Variants in SLC4A7 observed in about 807,000 individuals in gnomAD.
SLC4A7 encodes the protein solute carrier family 4 member 7, also known as sodium bicarbonate cotransporter 3.
Under a neutral mutation model 137.6 loss-of-function variants are expected in SLC4A7, and 51 were observed. The observed-to-expected ratio is 0.37, with a 90% CI of 0.30 to 0.47. The LOEUF (loss-of-function observed/expected upper bound fraction) is 0.47. Among genes scored for constraint, SLC4A7 ranks in the 20% least tolerant of loss-of-function variants. The probability of loss-of-function intolerance (pLI) is 1.00; values close to 1 mark genes in which losing one functional copy is unlikely to be tolerated. For synonymous variants in SLC4A7, 542 were observed against 518.6 expected (o/e 1.05, Z -0.61); for missense variants, 1,247 against 1,525.4 (o/e 0.82, Z 3.04).
At chr3:27,417,575 G>A (rs532760534) in intron 11 of SLC4A7, among the ~76,000 whole-genome samples, 1 of 152,212 alleles carries the variant, frequency 6.6e-6, no homozygotes, top group African/African-American at 2.4e-5. Flanking sequence ...ACAACAAAGT[G>A]AGACAGCATA....
chr3:27,394,712 A>C lies in SLC4A7; in HGVS notation c.2923T>G (p.Ser975Ala). ...ACAAACCATGGAAGTCCCATGACAG[A>C]GCAAACTCCCAACATAACGCCAACC... is the stretch of plus-strand genomic sequence containing the variant. ...LMVGVMLGVC[S>A]VMGLPWFVAA... Residue 975 changes from serine to alanine, a missense_variant, in exon 20 of 26, where the codon TCT becomes GCT. Physicochemically the swap from Ser to Ala is moderately conservative, Grantham distance 99. Transcript: ENST00000454389. 1 of 1,614,214 alleles carries C rather than the reference A, an allele frequency of 6.2e-7. No homozygotes were observed. Among genetic ancestry groups the C allele is most frequent in the Non-Finnish European group, 8.5e-7 (1 of 1,180,028 alleles).
chr3:27,450,030 C>T (rs974725814), intron 2 of SLC4A7, among the ~76,000 whole-genome samples: 1 of 152,132 alleles, frequency 6.6e-6, no homozygotes, highest in African/African-American at 2.4e-5. Context: ...TGCCATTTTT[C>T]GGACAGGCAC....
At position 27,394,607 on chromosome 3, in the gene SLC4A7, T is replaced by C. The variant is rs1370031614; in HGVS notation, c.3028A>G (p.Lys1010Glu). Reference protein sequence around the residue: ...SECSAPGEQPKFLGIREQRVT... With the variant: ...SECSAPGEQPEFLGIREQRVT... ...CGCTGTTCACGAATTCCCAAAAACT[T>C]GGGTTGTTCCCCTGGAGCAGAACAT... is the stretch of plus-strand genomic sequence containing the variant. The change falls in exon 20 of 26, where the codon AAG (lysine) becomes GAG (glutamate). Residue 1010 changes from lysine (K) to glutamate (E), a missense_variant. Lys to Glu is a moderately conservative substitution (Grantham distance 56, BLOSUM62 1). Transcript: ENST00000454389. 3 of 1,614,180 alleles carry C rather than the reference T, an allele frequency of 1.9e-6. No individual in the cohort carries two copies. The highest frequency in any genetic ancestry group is 1.3e-5 in the African/African-American group (1 of 75,062).
chr3:27,381,574 C>T (rs1377009919), intron 24 of SLC4A7, among the ~76,000 whole-genome samples: 4 of 151,484 alleles, frequency 2.6e-5, no homozygotes, highest in Admixed American at 6.6e-5. Context: ...AATAGCAAAA[C>T]GTATAGAGCA....
At chr3:27,425,040 A>G (rs184919252) in intron 7 of SLC4A7, among the ~76,000 whole-genome samples, 22 of 152,330 alleles carry the variant, frequency 1.4e-4, no homozygotes, top group African/African-American at 5.3e-4. Flanking sequence ...CATTAACACT[A>G]TGAATTCTAA....
chr3:27,420,758 C>T lies in SLC4A7; in HGVS notation c.1454G>A (p.Gly485Asp). 1 of 1,613,342 alleles carries T rather than the reference C, an allele frequency of 6.2e-7. No individual in the cohort carries two copies. Among genetic ancestry groups the T allele is most frequent in the Non-Finnish European group, 8.5e-7 (1 of 1,179,514 alleles). The change falls in exon 10 of 26, where the codon GGC becomes GAC. Residue 485 changes from glycine to aspartate, a missense_variant. This residue lies in a region of SLC4A7 where 499 missense variants were observed against 664.2 expected (regional missense o/e 0.75). Coordinates refer to ENST00000454389, the MANE Select transcript of SLC4A7 (RefSeq NM_001321103.2). Reference sequence around the variant, plus strand: ...AATTTCATGGTACTGTGGTGCCTTGCCCGCTGGACCCAATAACAAAAACAA... The same window carrying T: ...AATTTCATGGTACTGTGGTGCCTTGTCCGCTGGACCCAATAACAAAAACAA... Reference protein sequence around the residue: ...RFLFLLLGPAGKAPQYHEIGR... With the variant: ...RFLFLLLGPADKAPQYHEIGR...
At position 27,409,491 on chromosome 3, in the gene SLC4A7, T is replaced by A. The variant is rs1446594108; in HGVS notation, c.1806A>T (p.Ala602=). 5 of 1,613,322 alleles carry A rather than the reference T, an allele frequency of 3.1e-6. No homozygotes were observed. The highest frequency in any genetic ancestry group is 4.2e-6 in the Non-Finnish European group (5 of 1,179,704). The change falls in exon 13 of 26, where the codon GCA becomes GCT. Residue 602 remains alanine, a synonymous_variant. Transcript: ENST00000454389. The stretch of plus-strand genomic sequence containing the variant: ...CCTTGAAGTCACTCAAGAAAAAAGG[T>A]GCTTTCCTTTTGATGTCAAGTATCA... The part of the protein sequence containing the change: ...GGLILDIKRK[A]PFFLSDFKDA...
At chr3:27,414,310 CT>C (rs1252422651) in intron 11 of SLC4A7, among the ~76,000 whole-genome samples, 1 of 151,950 alleles carries the variant, frequency 6.6e-6, no homozygotes, top group Admixed American at 6.6e-5. Context: ...ACAGTTGACT[CT>C]TGAATAAACA....
chr3:27,464,941 TTC>T (rs1312042332), intron 1 of SLC4A7, among the ~76,000 whole-genome samples: 4 of 152,246 alleles, frequency 2.6e-5, no homozygotes, highest in East Asian at 3.9e-4. Flanking sequence ...TGCTGTGTTG[TTC>T]TTTCTTTTTC....
intron 20 of SLC4A7, among the ~76,000 whole-genome samples, chr3:27,393,910 C>T (rs1400603374): frequency 6.6e-6 from 1 of 152,190 alleles, no homozygotes; most frequent in Non-Finnish European, 1.5e-5. Flanking sequence ...AGCTCTCAAA[C>T]TCTGTGGTCT....
At chr3:27,464,213 T>C (rs1385624542) in intron 1 of SLC4A7, among the ~76,000 whole-genome samples, 1 of 152,166 alleles carries the variant, frequency 6.6e-6, no homozygotes, top group Non-Finnish European at 1.5e-5. Context: ...ATTGTCATGT[T>C]TTCGGAAGGA....
rs1015184499 is a variant in SLC4A7, at chr3:27,386,016, G to C, written c.3368C>G (p.Ala1123Gly). 1.3e-6 allele frequency: 2 copies of C among 1,597,582 alleles called. No homozygotes were observed. The highest frequency in any genetic ancestry group is 4.5e-5 in the East Asian group (2 of 44,406). The part of the protein sequence containing the change: ...AAVVFPMMVL[A>G]LVFVRKLMDL... ...CATGAGTTTGCGCACAAACACTAAT[G>C]CAAGAACCTTTAAAAAGTGGGGAAG... Residue 1123 changes from alanine to glycine, a missense_variant, in exon 23 of 26, where the codon GCA (alanine) becomes GGA (glycine). Around this residue, in one of 6 missense-constraint regions of SLC4A7, gnomAD observed 290 missense variants for 323.8 expected, o/e 0.90. Transcript: ENST00000454389.
At chr3:27,431,163 A>G in intron 7 of SLC4A7, 135 bp downstream of exon 7, 1 of 994,062 alleles carries the variant, frequency 1.0e-6, no homozygotes, top group Non-Finnish European at 1.4e-6. Context: ...CATAAAGAAA[A>G]AAAAACATGC....
At chr3:27,418,347 G>T (rs1236586040) in intron 11 of SLC4A7, 139 bp downstream of exon 11, 3 of 639,120 alleles carry the variant, frequency 4.7e-6, no homozygotes, top group South Asian at 2.0e-5. Context: ...CCACCCACAG[G>T]AGGTAAGTAT....
rs1172566472 is a variant in SLC4A7 at position 27,478,328 on chromosome 3, G to C, written c.60+5739C>G. Reference sequence around the variant, plus strand: ...AGGTCAGGAGTTCGAGACCAGCCTGGCCAACATGGTGAAACCCTGTCTCTA... The same window carrying C: ...AGGTCAGGAGTTCGAGACCAGCCTGCCCAACATGGTGAAACCCTGTCTCTA... On this transcript the variant is annotated intron_variant, in intron 1 of 25. Transcript: ENST00000454389. Among the ~76,000 whole-genome samples the C allele has an allele frequency of 2.6e-5, 4 of 151,990 alleles. No individual in the cohort carries two copies. The East Asian group carries it at 7.8e-4, about 30-fold the overall frequency.
intron 5 of SLC4A7, 57 bp downstream of exon 5, chr3:27,436,331 G>C: frequency 1.5e-6 from 2 of 1,298,872 alleles, no homozygotes; most frequent in South Asian, 1.3e-5. Flanking sequence ...GTTGTTAAAT[G>C]AATGTCTAAA....
chr3:27,410,021 T>G (rs775331919), intron 12 of SLC4A7, among the ~76,000 whole-genome samples: 1 of 152,204 alleles, frequency 6.6e-6, no homozygotes, highest in East Asian at 1.9e-4. Context: ...TCAGTAACTT[T>G]AAAAACTTTC....
At chr3:27,483,332 C>T (rs2059794693) in intron 1 of SLC4A7, among the ~76,000 whole-genome samples, 1 of 152,222 alleles carries the variant, frequency 6.6e-6, no homozygotes, top group Non-Finnish European at 1.5e-5. Context: ...GTAGGAAACG[C>T]GATCTTGCTA....
At position 27,431,571 on chromosome 3, in the gene SLC4A7, G is replaced by A; in HGVS notation, c.877C>T (p.His293Tyr). ...CCAGCTCTTGAAGAAGGAAGAAGATGACCAAGAAGAAGAGATAAAGGTGAT... is the reference window on the plus strand; with the variant it reads ...CCAGCTCTTGAAGAAGGAAGAAGATAACCAAGAAGAAGAGATAAAGGTGAT... The part of the protein sequence containing the change: ...GESPLSLLLG[H>Y]LLPSSRAGTP... The change falls in exon 7 of 26, where the codon CAT (histidine) becomes TAT (tyrosine). Residue 293 changes from histidine to tyrosine, a missense_variant. His to Tyr is a moderately conservative substitution (Grantham distance 83, BLOSUM62 2). Transcript: ENST00000454389. 2 of 1,614,078 alleles carry A rather than the reference G, an allele frequency of 1.2e-6. No homozygotes were observed. The highest frequency in any genetic ancestry group is 1.7e-6 in the Non-Finnish European group (2 of 1,180,008).
Sources: gnomAD v4.1 joint callset for allele counts (sites outside exome capture counted in the v4.1 genomes callset) on GRCh38, gnomAD v4.1.1 for gene constraint, gnomAD v4.1.1 regional missense constraint, MANE v1.5 for transcripts, NCBI Gene and HGNC (gene_info 2026-07-23, HGNC 2026-07-21) for gene names.